The following VPS54 variants were observed in gnomAD, a reference collection of about 807,000 sequenced individuals.
The protein encoded by VPS54 is VPS54 subunit of GARP complex.
In VPS54, 45 loss-of-function variants were observed where a neutral mutation model predicts 121.5. The observed-to-expected ratio is 0.37, with a 90% CI of 0.29 to 0.47. VPS54 has a LOEUF of 0.47. Ranked by LOEUF, VPS54 falls within the 20% of genes least tolerant of loss-of-function variation. VPS54 has a pLI of 0.99. For synonymous variants in VPS54, 371 were observed against 385.8 expected (o/e 0.96, Z 0.45); for missense variants, 1,090 against 1,131.4 (o/e 0.96, Z 0.52).
intron 11 of VPS54, among the ~76,000 whole-genome samples, chr2:63,941,715 C>T (rs147831265): frequency 8.6e-5 from 13 of 151,858 alleles, no homozygotes; most frequent in African/African-American, 3.1e-4. Flanking sequence ...GGATTCGTGC[C>T]CAAAAAGTGA....
At chr2:63,902,727 G>A (rs976310748) in intron 20 of VPS54, among the ~76,000 whole-genome samples, 2 of 152,190 alleles carry the variant, frequency 1.3e-5, no homozygotes, top group Non-Finnish European at 2.9e-5. Context: ...CCACCACTTT[G>A]GGAGGCTGAG....
rs118051911 is a variant in VPS54 at position 63,951,736 on chromosome 2, T to C, written c.1011-2573A>G. Among the ~76,000 whole-genome samples the C allele has an allele frequency of 3.7e-4, 56 of 152,280 alleles. No homozygotes were observed. The East Asian group carries it at 0.011, about 29-fold the overall frequency. On this transcript the variant is annotated intron_variant, in intron 7 of 22. Coordinates refer to ENST00000272322, the MANE Select transcript of VPS54 (RefSeq NM_016516.3). ...ATTTTATGCATTCATGGCATATATA[T>C]TTCTAGGCTATGTGGTAAGTTTTTT...
intron 1 of VPS54, among the ~76,000 whole-genome samples, chr2:64,003,551 G>A (rs1677982836): frequency 6.6e-6 from 1 of 151,976 alleles, no homozygotes; most frequent in Non-Finnish European, 1.5e-5. Flanking sequence ...GCTTATCACA[G>A]TTCCTGTCAT....
chr2:63,968,704 GC>G (rs558907535), intron 5 of VPS54, among the ~76,000 whole-genome samples: 116 of 151,852 alleles, frequency 7.6e-4, no homozygotes, highest in Non-Finnish European at 1.5e-3. Flanking sequence ...GCGAGACGGG[GC>G]AAGATTCTGT....
intron 9 of VPS54, among the ~76,000 whole-genome samples, chr2:63,946,907 T>TAA (rs532151876): frequency 2.4e-3 from 359 of 152,198 alleles, no homozygotes; most frequent in African/African-American, 8.2e-3. Context: ...GGAATCAGTC[T>TAA]AAGAACAAAC....
At chr2:63,983,177 G>C (rs968770222) in intron 2 of VPS54, among the ~76,000 whole-genome samples, 1 of 146,764 alleles carries the variant, frequency 6.8e-6, no homozygotes, top group Non-Finnish European at 1.5e-5. Flanking sequence ...TTGAGAAACA[G>C]TCTCGTTCTG....
At chr2:63,919,207 C>T (rs1315003231) in intron 15 of VPS54, among the ~76,000 whole-genome samples, 1 of 151,978 alleles carries the variant, frequency 6.6e-6, no homozygotes, top group Non-Finnish European at 1.5e-5. Flanking sequence ...CACATGAAAA[C>T]TCTCTCATCA....
chr2:64,012,223 T>C (rs138885304), intron 1 of VPS54, among the ~76,000 whole-genome samples: 15 of 152,080 alleles, frequency 9.9e-5, no homozygotes, highest in Non-Finnish European at 2.1e-4. Context: ...CAGTGTGTCT[T>C]TGCTTTTCTC....
At chr2:63,948,442 G>C (rs1324216111) in intron 8 of VPS54, among the ~76,000 whole-genome samples, 2 of 128,580 alleles carry the variant, frequency 1.6e-5, no homozygotes, top group East Asian at 2.2e-4. Flanking sequence ...TTTTGAGACA[G>C]GGTCTTGCTA....
In VPS54 at chr2:63,919,843, A is replaced by G. The variant is rs1673557529; in HGVS notation, c.2164+40T>C. On this transcript the variant is annotated intron_variant, in intron 15 of 22. Transcript: ENST00000272322. ...AGCATTAATACAAAATAAATAAACA[A>G]TATAAAATTGAAAGAGAATGTGTGA... 2.1e-6 allele frequency: 3 copies of G among 1,435,534 alleles called. No homozygotes were observed. In the East Asian group the frequency reaches 7.4e-5, roughly 36 times the overall value. 88.9% of individuals were successfully genotyped at this position (1,435,534 alleles called of 1,614,324 possible).
chr2:64,001,777 A>G (rs1677892846), intron 1 of VPS54, among the ~76,000 whole-genome samples: 2 of 151,782 alleles, frequency 1.3e-5, no homozygotes, highest in South Asian at 2.1e-4. Context: ...CCTCTCCCCA[A>G]GCAGAAGGTA....
rs1345898538 is a variant in VPS54, at chr2:63,933,901, A to G, written c.1511T>C (p.Leu504Pro). ...GATTAAATAAGCCACCTCTGTGTCCAGTGAATTATCTTTTGCAGCATTCTT... is the reference window on the plus strand; with the variant it reads ...GATTAAATAAGCCACCTCTGTGTCCGGTGAATTATCTTTTGCAGCATTCTT... The part of the protein sequence containing the change: ...QQKNAAKDNS[L>P]DTEVAYLIHE... Residue 504 changes from leucine to proline, a missense_variant, in exon 12 of 23, where the codon CTG (leucine) becomes CCG (proline). Physicochemically the swap from Leu to Pro is moderately conservative, Grantham distance 98. Transcript: ENST00000272322. 6.2e-7 allele frequency: 1 copy of G among 1,613,824 alleles called. No homozygotes were observed. The highest frequency in any genetic ancestry group is 1.7e-5 in the Admixed American group (1 of 59,954).
intron 20 of VPS54, among the ~76,000 whole-genome samples, chr2:63,904,438 CAAAAAAAAAAA>C (rs58651830): frequency 3.5e-4 from 7 of 19,932 alleles, no homozygotes; most frequent in Non-Finnish European, 3.2e-4. Context: ...GACTTGGTCT[CAAAAAAAAAAA>C]AAAAAAAAAA....
intron 1 of VPS54, among the ~76,000 whole-genome samples, chr2:63,992,097 A>C (rs1677350502): frequency 6.6e-6 from 1 of 152,224 alleles, no homozygotes; most frequent in Non-Finnish European, 1.5e-5. Context: ...TGACGAGATT[A>C]AACTAATCGT....
chr2:63,956,976 C>A (rs942651819), intron 7 of VPS54, among the ~76,000 whole-genome samples: 3 of 152,088 alleles, frequency 2.0e-5, no homozygotes, highest in Non-Finnish European at 4.4e-5. Context: ...CATTCGAATG[C>A]ATTCTTGGGC....
At chr2:63,947,297 C>CTA in intron 9 of VPS54, 86 bp downstream of exon 9, 1 of 1,241,412 alleles carries the variant, frequency 8.1e-7, no homozygotes, top group East Asian at 3.0e-5. Flanking sequence ...TACTATTACA[C>CTA]TATATATATT....
chr2:63,997,655 G>A (rs771329973), intron 1 of VPS54, among the ~76,000 whole-genome samples: 47 of 151,734 alleles, frequency 3.1e-4, no homozygotes, highest in Non-Finnish European at 6.5e-4. Context: ...AAAACCCAAC[G>A]TTTTATTGAT....
intron 21 of VPS54, 82 bp downstream of exon 21, chr2:63,899,392 C>A: frequency 1.7e-6 from 2 of 1,205,854 alleles, no homozygotes; most frequent in South Asian, 2.9e-5. Flanking sequence ...GCTTAACTGC[C>A]AAAAGCATGT....
At chr2:63,901,199 C>A (rs1042814296) in intron 20 of VPS54, among the ~76,000 whole-genome samples, 6 of 152,106 alleles carry the variant, frequency 3.9e-5, no homozygotes, top group African/African-American at 7.2e-5. Context: ...ACTACCTTAA[C>A]AATACAAAAA....
Sources: gnomAD v4.1 joint callset for allele counts (sites outside exome capture counted in the v4.1 genomes callset) on GRCh38, gnomAD v4.1.1 for gene constraint, MANE v1.5 for transcripts, NCBI Gene and HGNC (gene_info 2026-07-23, HGNC 2026-07-21) for gene names.